NRG1: variants seen among roughly 807,000 people sequenced by gnomAD.
NRG1 encodes the protein pro-neuregulin-1, membrane-bound isoform.
NRG1 carries 18 observed loss-of-function variants against 63.8 expected under a neutral mutation model. The ratio of observed to expected loss-of-function variants is 0.28; its 90% CI spans 0.19 to 0.42. The LOEUF (loss-of-function observed/expected upper bound fraction) is 0.42. Among genes scored for constraint, NRG1 ranks in the 10% least tolerant of loss-of-function variants. The pLI is 1.00. For synonymous variants in NRG1, 302 were observed against 301.3 expected, an observed-to-expected ratio of 1.00 and a Z score of -0.02; for missense variants, 762 against 814.7, an observed-to-expected ratio of 0.94 and a Z score of 0.79.
rs186265670 is a variant in NRG1 at position 31,799,206 on chromosome 8, A to G, written c.37+159775A>G. ...CAAACCCCAAACAACTTTTTATTCAATAGTGTCCATGTATCTCTAAACTTT... is the reference window on the plus strand; with the variant it reads ...CAAACCCCAAACAACTTTTTATTCAGTAGTGTCCATGTATCTCTAAACTTT... On this transcript the variant is annotated intron_variant, in intron 1 of 10. Coordinates refer to the NRG1 transcript ENST00000519301. 3.2e-3 allele frequency among the ~76,000 whole-genome samples: 483 copies of G among 152,252 alleles called. 4 individuals carry two copies. The highest frequency in any genetic ancestry group is 0.011 in the African/African-American group (461 of 41,574).
chr8:31,670,365 G>A (rs188199441), intron 1 of NRG1, among the ~76,000 whole-genome samples: 279 of 151,924 alleles, frequency 1.8e-3, no homozygotes, highest in Non-Finnish European at 3.0e-3. Context: ...TTTATTTTAC[G>A]TTTTACACTC....
At chr8:31,854,831 C>T (rs1827671066) in intron 1 of NRG1, among the ~76,000 whole-genome samples, 3 of 152,212 alleles carry the variant, frequency 2.0e-5, no homozygotes, top group Admixed American at 6.5e-5. Context: ...TCGTTGGTTT[C>T]AAAGAACATC....
At chr8:31,762,462 T>G (rs1817655831) in intron 1 of NRG1, among the ~76,000 whole-genome samples, 1 of 152,220 alleles carries the variant, frequency 6.6e-6, no homozygotes. Context: ...GCATATGGAC[T>G]GGTTCCATGT....
intron 7 of NRG1, among the ~76,000 whole-genome samples, chr8:32,744,395 A>G (rs1192291764): frequency 6.6e-6 from 1 of 152,122 alleles, no homozygotes; most frequent in African/African-American, 2.4e-5. Context: ...TTATTCACAA[A>G]CATTTAAGTA....
At chr8:32,608,092 G>GT (rs1226154193) in intron 3 of NRG1, among the ~76,000 whole-genome samples, 1,631 of 106,124 alleles carry the variant, frequency 0.015, 28 homozygotes, top group South Asian at 0.019. Context: ...GGTTTTTTTT[G>GT]TTTTTTTTTT....
intron 1 of NRG1, among the ~76,000 whole-genome samples, chr8:32,073,668 T>C (rs1409350758): frequency 6.6e-6 from 1 of 152,170 alleles, no homozygotes; most frequent in African/African-American, 2.4e-5. Flanking sequence ...TTGCTAACAG[T>C]CATTTAGGCT....
chr8:32,715,635 C>A (rs1818987104), intron 5 of NRG1, among the ~76,000 whole-genome samples: 1 of 94,238 alleles, frequency 1.1e-5, no homozygotes, highest in East Asian at 2.4e-4. Flanking sequence ...ATGAATAAAT[C>A]AGGCCCTTTT....
At chr8:32,609,052 G>T (rs987257286) in intron 3 of NRG1, among the ~76,000 whole-genome samples, 13 of 152,160 alleles carry the variant, frequency 8.5e-5, no homozygotes, top group African/African-American at 3.1e-4. Flanking sequence ...GGGTGGAGCC[G>T]GAAACATAGC....
At chr8:31,781,627 A>C (rs1351037726) in intron 1 of NRG1, among the ~76,000 whole-genome samples, 1 of 152,176 alleles carries the variant, frequency 6.6e-6, no homozygotes, top group Non-Finnish European at 1.5e-5. Context: ...GATGGCTAGA[A>C]TACTGTTGAA....
chr8:32,198,290 G>C (rs1586025023), intron 1 of NRG1, among the ~76,000 whole-genome samples: 1 of 152,192 alleles, frequency 6.6e-6, no homozygotes, highest in African/African-American at 2.4e-5. Context: ...CAATTCTCCT[G>C]CCTCAGCCTC....
chr8:32,568,949 A>T (rs1280796247), intron 1 of NRG1, among the ~76,000 whole-genome samples: 2 of 103,814 alleles, frequency 1.9e-5, no homozygotes, highest in Non-Finnish European at 4.0e-5. Context: ...TGAAAATGAA[A>T]ATCCTTGAAA....
chr8:32,175,671 A>G (rs1585852399), intron 1 of NRG1, among the ~76,000 whole-genome samples: 1 of 152,200 alleles, frequency 6.6e-6, no homozygotes, highest in Non-Finnish European at 1.5e-5. Flanking sequence ...AATCACAAGC[A>G]TTCTTATCCA....
chr8:32,474,697 G>A (rs1340563506), intron 1 of NRG1, among the ~76,000 whole-genome samples: 1 of 151,824 alleles, frequency 6.6e-6, no homozygotes, highest in Non-Finnish European at 1.5e-5. Flanking sequence ...GTAGAGGTGG[G>A]GTTTCACCAT....
intron 1 of NRG1, among the ~76,000 whole-genome samples, chr8:32,472,504 TC>T (rs1228419627): frequency 2.6e-5 from 4 of 152,238 alleles, no homozygotes; most frequent in Non-Finnish European, 5.9e-5. Flanking sequence ...CTGATATTAA[TC>T]CCTAATGAAA....
chr8:32,163,044 G>A (rs1189164863), intron 1 of NRG1, among the ~76,000 whole-genome samples: 6 of 152,172 alleles, frequency 3.9e-5, no homozygotes, highest in Non-Finnish European at 7.3e-5. Flanking sequence ...AACCAAGGGA[G>A]ATTTAGCTCC....
At position 32,591,359 on chromosome 8, in the gene NRG1, C is replaced by T. The variant is rs116584616; in HGVS notation, c.101-4469C>T. ...AGAGGTATCCTTGAACCGCAAACAT[C>T]GAGAAATGTTCATACATCAGGGTCA... On this transcript the variant is annotated intron_variant, in intron 1 of 11. Coordinates refer to ENST00000356819, the Ensembl canonical transcript of NRG1. Among the ~76,000 whole-genome samples the T allele has an allele frequency of 8.9e-3, 1,360 of 152,114 alleles. 17 individuals are homozygous for T. The highest frequency in any genetic ancestry group is 0.031 in the African/African-American group (1,297 of 41,478).
At chr8:31,685,660 A>G (rs905545417) in intron 1 of NRG1, among the ~76,000 whole-genome samples, 5 of 152,170 alleles carry the variant, frequency 3.3e-5, no homozygotes, top group African/African-American at 1.2e-4. Context: ...GTTACTCCCC[A>G]TCCCCCATGT....
chr8:32,409,706 C>A (rs535323066), intron 1 of NRG1, among the ~76,000 whole-genome samples: 1 of 152,288 alleles, frequency 6.6e-6, no homozygotes, highest in South Asian at 2.1e-4. Context: ...TACCTTTTTC[C>A]ATTTGCACTT....
chr8:32,360,841 A>G (rs1807109332), intron 1 of NRG1, among the ~76,000 whole-genome samples: 1 of 152,188 alleles, frequency 6.6e-6, no homozygotes, highest in African/African-American at 2.4e-5. Flanking sequence ...CTCCAATTAC[A>G]GATGGTTAGG....
Sources: allele counts gnomAD v4.1 joint callset (sites outside exome capture counted in the v4.1 genomes callset), GRCh38; gene constraint gnomAD v4.1.1; transcripts MANE v1.5; gene names NCBI Gene and HGNC (gene_info 2026-07-23, HGNC 2026-07-21).